Variants in ADAM23 observed in about 807,000 individuals in gnomAD.
ADAM23 encodes disintegrin and metalloproteinase domain-containing protein 23.
In ADAM23, 33 loss-of-function variants were observed where a neutral mutation model predicts 120.1. The observed-to-expected ratio is 0.27, with a 90% confidence interval of 0.21 to 0.37. The LOEUF is 0.37. Among genes scored for constraint, ADAM23 ranks in the 10% least tolerant of loss-of-function variants. ADAM23 has a pLI of 1.00. For missense variants in ADAM23, 862 were observed against 1,058.2 expected (o/e 0.81, Z 2.57); for synonymous variants, 367 against 375.2 (o/e 0.98, Z 0.25).
At chr2:206,525,345 GA>G (rs1696922154) in intron 3 of ADAM23, among the ~76,000 whole-genome samples, 2 of 150,776 alleles carry the variant, frequency 1.3e-5, no homozygotes, top group Admixed American at 1.3e-4. Flanking sequence ...TTTAAAACTA[GA>G]AAGGACTTCC....
At chr2:206,457,796 G>A (rs554986940) in intron 2 of ADAM23, among the ~76,000 whole-genome samples, 2 of 152,056 alleles carry the variant, frequency 1.3e-5, no homozygotes, top group Non-Finnish European at 2.9e-5. Flanking sequence ...TTTTCTTTTT[G>A]TTTTGAAAAA....
chr2:206,591,795 A>G (rs985673635), intron 21 of ADAM23, among the ~76,000 whole-genome samples: 16 of 152,202 alleles, frequency 1.1e-4, no homozygotes, highest in Non-Finnish European at 2.4e-4. Flanking sequence ...TTATTGTACC[A>G]TATTTCACCA....
At chr2:206,616,529 G>T (rs765259846) in intron 25 of ADAM23, among the ~76,000 whole-genome samples, 9 of 152,174 alleles carry the variant, frequency 5.9e-5, no homozygotes, top group Admixed American at 2.0e-4. Context: ...TAAGAACTTT[G>T]CAGGATGCCT....
At chr2:206,499,563 A>G (rs909092648) in intron 3 of ADAM23, among the ~76,000 whole-genome samples, 23 of 152,000 alleles carry the variant, frequency 1.5e-4, no homozygotes, top group Non-Finnish European at 2.8e-4. Flanking sequence ...TGGGTGCAGC[A>G]AACCAACATG....
chr2:206,445,281 C>T (rs1432918102), intron 1 of ADAM23, 26 bp from the exon 2 acceptor site: 1 of 1,566,020 alleles, frequency 6.4e-7, no homozygotes, highest in African/African-American at 1.4e-5. Context: ...GTATTTTCTG[C>T]TCCCCCACCC....
intron 4 of ADAM23, among the ~76,000 whole-genome samples, chr2:206,537,626 A>G (rs914053022): frequency 6.6e-6 from 1 of 152,018 alleles, no homozygotes; most frequent in Non-Finnish European, 1.5e-5. Context: ...TATTTTTTAA[A>G]TCTATTTTCC....
chr2:206,447,498 T>C (rs1048426910), intron 2 of ADAM23, among the ~76,000 whole-genome samples: 1 of 151,922 alleles, frequency 6.6e-6, no homozygotes, highest in Non-Finnish European at 1.5e-5. Context: ...GTATAGACAG[T>C]GTTGTTGTTT....
intron 2 of ADAM23, among the ~76,000 whole-genome samples, chr2:206,479,456 A>C (rs1695850286): frequency 6.6e-6 from 1 of 152,170 alleles, no homozygotes; most frequent in Non-Finnish European, 1.5e-5. Context: ...AACTATACTT[A>C]AGGATTTATC....
chr2:206,564,365 A>T (rs540349138), intron 13 of ADAM23, among the ~76,000 whole-genome samples: 13 of 152,316 alleles, frequency 8.5e-5, no homozygotes, highest in Admixed American at 2.6e-4. Flanking sequence ...TCTGTTTTAG[A>T]TTGCTCTCTT....
Position 206,464,585 on chromosome 2 carries a change from AAT to A in ADAM23, c.433-16645_433-16644del, listed in dbSNP as rs1695501936. 2.0e-5 allele frequency among the ~76,000 whole-genome samples: 3 copies of A among 150,796 alleles called. No individual in the cohort carries two copies. The South Asian group carries it at 6.3e-4, about 32-fold the overall frequency. The stretch of plus-strand genomic sequence containing the variant: ...GTGAGACTGTCTCAAAAAAAAAAAT[AAT>A]AATAATAATAAAAAGAAACAAAAGT... On this transcript the variant is annotated intron_variant, in intron 2 of 25. Coordinates refer to ENST00000264377, the MANE Select transcript of ADAM23 (RefSeq NM_003812.4).
chr2:206,468,553 C>G (rs1695588326), intron 2 of ADAM23, among the ~76,000 whole-genome samples: 1 of 152,208 alleles, frequency 6.6e-6, no homozygotes, highest in Non-Finnish European at 1.5e-5. Flanking sequence ...CATCTCTGTT[C>G]ATGTCACTAT....
At chr2:206,542,474 G>C (rs537513303) in intron 5 of ADAM23, among the ~76,000 whole-genome samples, 1 of 152,158 alleles carries the variant, frequency 6.6e-6, no homozygotes, top group Non-Finnish European at 1.5e-5. Flanking sequence ...AGCTAGACTT[G>C]AGAGTCAGTA....
intron 3 of ADAM23, among the ~76,000 whole-genome samples, chr2:206,527,232 T>C (rs1278744143): frequency 6.6e-6 from 1 of 152,202 alleles, no homozygotes; most frequent in Non-Finnish European, 1.5e-5. Flanking sequence ...TATATTTGGG[T>C]CCGCAATTGC....
chr2:206,586,599 T>A (rs1698326558), intron 18 of ADAM23, among the ~76,000 whole-genome samples: 1 of 152,226 alleles, frequency 6.6e-6, no homozygotes, highest in Non-Finnish European at 1.5e-5. Flanking sequence ...TTGCCATGCC[T>A]GCATATTTTT....
chr2:206,592,584 T>A, intron 21 of ADAM23, 33 bp from the exon 22 acceptor site: 1 of 1,605,918 alleles, frequency 6.2e-7, no homozygotes, highest in Non-Finnish European at 8.5e-7. Flanking sequence ...ATTCCTCCTG[T>A]CTGGTCTGTT....
At chr2:206,615,596 C>G (rs1698920274) in intron 25 of ADAM23, among the ~76,000 whole-genome samples, 1 of 152,184 alleles carries the variant, frequency 6.6e-6, no homozygotes, top group South Asian at 2.1e-4. Flanking sequence ...AGCTCACTTT[C>G]CCCCTGCTGG....
Position 206,445,506 on chromosome 2 carries a change from C to T in ADAM23, c.414C>T (p.His138=), listed in dbSNP as rs767887528. The change falls in exon 2 of 26, where the codon CAC becomes CAT. Residue 138 remains histidine (H), a synonymous_variant. Coordinates refer to ENST00000264377, the MANE Select transcript of ADAM23 (RefSeq NM_003812.4). ...PYHVLDTKAR[H]QQKHNKAVHL... ...ACGTTCTTGACACAAAGGCAAGACA[C>T]CAGCAAAAACATAATAAGGTAGGCA... The T allele has an allele frequency of 6.2e-7, 1 of 1,613,150 alleles. No homozygotes were observed. The highest frequency in any genetic ancestry group is 8.5e-7 in the Non-Finnish European group (1 of 1,179,688).
At chr2:206,447,742 CTG>C (rs1309253476) in intron 2 of ADAM23, among the ~76,000 whole-genome samples, 7 of 152,152 alleles carry the variant, frequency 4.6e-5, no homozygotes, top group African/African-American at 1.4e-4. Flanking sequence ...TTTTTAATAT[CTG>C]TGTTATGTAC....
chr2:206,481,473 T>G (rs539288780), intron 3 of ADAM23, among the ~76,000 whole-genome samples, 165 bp downstream of exon 3: 1 of 152,330 alleles, frequency 6.6e-6, no homozygotes, highest in East Asian at 1.9e-4. Context: ...ATATATTTTT[T>G]TCCGAAATAA....
Sources: allele counts gnomAD v4.1 joint callset (sites outside exome capture counted in the v4.1 genomes callset), GRCh38; gene constraint gnomAD v4.1.1; transcripts MANE v1.5; gene names NCBI Gene and HGNC (gene_info 2026-07-23, HGNC 2026-07-21).